Variants in WDR17 observed in about 807,000 individuals in gnomAD.
The protein encoded by WDR17 is WD repeat domain 17.
WDR17 carries 143 observed loss-of-function variants against 161.7 expected under a neutral mutation model. The observed-to-expected ratio is 0.88, with a 90% CI of 0.77 to 1.02. The LOEUF (loss-of-function observed/expected upper bound fraction) is 1.02, where lower values mean the gene tolerates loss of function less well. Ranked by LOEUF, WDR17 falls within the 50% of genes least tolerant of loss-of-function variation. The pLI, the probability that WDR17 is intolerant of heterozygous loss-of-function variation, is 0.00. For synonymous variants in WDR17, 517 were observed against 515.6 expected (o/e 1.00, Z -0.04); for missense variants, 1,469 against 1,520.9 (o/e 0.97, Z 0.57).
intron 1 of WDR17, among the ~76,000 whole-genome samples, chr4:176,082,857 A>G (rs760706714): frequency 6.6e-6 from 1 of 152,120 alleles, no homozygotes; most frequent in East Asian, 1.9e-4. Flanking sequence ...ATGAAGATGA[A>G]TTTTAGACAG....
chr4:176,089,811 A>T (rs1735888126), intron 1 of WDR17, among the ~76,000 whole-genome samples: 2 of 151,932 alleles, frequency 1.3e-5, no homozygotes, highest in Admixed American at 6.6e-5. Flanking sequence ...TTTTCCTAGA[A>T]CTGGTGATTT....
chr4:176,080,190 A>C (rs987441410), intron 1 of WDR17, among the ~76,000 whole-genome samples: 1 of 152,076 alleles, frequency 6.6e-6, no homozygotes, highest in Admixed American at 6.6e-5. Flanking sequence ...TTTGTGGGGA[A>C]CATCATAAGT....
intron 18 of WDR17, among the ~76,000 whole-genome samples, chr4:176,157,834 T>C (rs1748399844): frequency 6.6e-6 from 1 of 152,146 alleles, no homozygotes; most frequent in Non-Finnish European, 1.5e-5. Flanking sequence ...TCAGATAAAT[T>C]GGAACAAAGG....
rs1353668976 is a variant in WDR17 at position 176,070,569 on chromosome 4, A to T, written c.-7+4490A>T. ...GAGACAGGGTCTCCTGCTGGAGTGC[A>T]GTGGTGTGATCATGGCTCACTGCAG... On this transcript the variant is annotated intron_variant, in intron 1 of 28. Transcript: ENST00000508596. 3.3e-4 allele frequency among the ~76,000 whole-genome samples: 50 copies of T among 151,264 alleles called. 1 individual carries two copies. Among genetic ancestry groups the T allele is most frequent in the Admixed American group, 3.3e-3 (50 of 15,178 alleles).
At chr4:176,131,821 A>G in intron 7 of WDR17, 83 bp downstream of exon 7, 1 of 1,091,688 alleles carries the variant, frequency 9.2e-7, no homozygotes, top group Non-Finnish European at 1.2e-6. Flanking sequence ...TCTGAATATT[A>G]TTTGAAATTA....
At position 176,179,632 on chromosome 4, in the gene WDR17, G is replaced by C; in HGVS notation, c.*53G>C. On this transcript the variant is annotated 3_prime_UTR_variant, in exon 29 of 29. Transcript: ENST00000508596. ...TTTTTTTTAAAGAAAAACTTTCATGGGTTAGCATTACCTTAATCTTTGTTG... is the reference window on the plus strand; with the variant it reads ...TTTTTTTTAAAGAAAAACTTTCATGCGTTAGCATTACCTTAATCTTTGTTG... 6.7e-7 allele frequency: 1 copy of C among 1,488,576 alleles called. No homozygotes were observed. Among genetic ancestry groups the C allele is most frequent in the East Asian group, 2.5e-5 (1 of 40,762 alleles). 92.2% of individuals were successfully genotyped at this position (1,488,576 alleles called of 1,614,324 possible). A position where few individuals can be genotyped will look rare whatever the true frequency, so the allele number is the denominator to read the frequency against.
chr4:176,156,861 A>G (rs1748220686), intron 18 of WDR17, among the ~76,000 whole-genome samples: 1 of 152,080 alleles, frequency 6.6e-6, no homozygotes, highest in Non-Finnish European at 1.5e-5. Context: ...AGTCCTTGGC[A>G]TCTTGTGGCT....
intron 11 of WDR17, among the ~76,000 whole-genome samples, chr4:176,142,722 A>C (rs570490482): frequency 1.3e-5 from 2 of 152,350 alleles, no homozygotes; most frequent in East Asian, 3.9e-4. Flanking sequence ...TGTCAAAAAC[A>C]ATGTGAATTA....
rs1742271694 is a variant in WDR17 at position 176,125,290 on chromosome 4, G to C, written c.725G>C (p.Ser242Thr). The C allele has an allele frequency of 6.2e-7, 1 of 1,614,102 alleles. No individual in the cohort carries two copies. Among genetic ancestry groups the C allele is most frequent in the African/African-American group, 1.3e-5 (1 of 75,032 alleles). ...TGCATAACAACATTTAATCTTCCCA[G>C]TGCAGCAGCTTCTGTACAGTGCTTA... is the stretch of plus-strand genomic sequence containing the variant. ...LSCITTFNLP[S>T]AAASVQCLAW... Residue 242 changes from serine to threonine, a missense_variant, in exon 5 of 29, where the codon AGT (serine) becomes ACT (threonine). Ser to Thr is a moderately conservative substitution (Grantham distance 58). Transcript: ENST00000508596.
rs1579155476 is a variant in WDR17 at position 176,137,127 on chromosome 4, T to G, written c.1268-393T>G. 2.0e-5 allele frequency among the ~76,000 whole-genome samples: 3 copies of G among 151,564 alleles called. No homozygotes were observed. The East Asian group carries it at 5.8e-4, about 29-fold the overall frequency. On this transcript the variant is annotated intron_variant, in intron 8 of 28. Transcript: ENST00000508596. Reference sequence around the variant, plus strand: ...TACTAGATAATCATGGAAGTATGAATGCTGACTGAATATATGATAATATTG... The same window carrying G: ...TACTAGATAATCATGGAAGTATGAAGGCTGACTGAATATATGATAATATTG...
chr4:176,120,246 G>A, intron 4 of WDR17, 149 bp downstream of exon 4: 1 of 511,752 alleles, frequency 2.0e-6, no homozygotes, highest in East Asian at 3.4e-5. Flanking sequence ...TTGTTAAAAT[G>A]TTACCCAGTA....
chr4:176,150,627 C>T, intron 16 of WDR17, 34 bp downstream of exon 16: 3 of 1,539,880 alleles, frequency 1.9e-6, no homozygotes, highest in Non-Finnish European at 2.6e-6. Context: ...TGTACTCAAG[C>T]AAATTTTTTG....
chr4:176,151,756 C>T lies in WDR17; in HGVS notation c.2305-56C>T, dbSNP rs189572120. The T allele has an allele frequency of 4.6e-4, 653 of 1,425,904 alleles. 2 individuals carry two copies. In the African/African-American group the frequency reaches 8.4e-3, roughly 18 times the overall value. 88.3% of individuals were successfully genotyped at this position (1,425,904 alleles called of 1,614,324 possible). ...AAATATGCAACAAATTATTGTGACA[C>T]ATACAAAACAAAATATGTCAAATTT... On this transcript the variant is annotated intron_variant, in intron 16 of 28. Transcript: ENST00000508596.
At chr4:176,167,885 G>T (rs955198520) in intron 22 of WDR17, among the ~76,000 whole-genome samples, 5 of 151,398 alleles carry the variant, frequency 3.3e-5, no homozygotes, top group Admixed American at 6.6e-5. Context: ...GGTGGCTCAT[G>T]CCTGTAATCC....
Position 176,162,101 on chromosome 4 carries a change from T to C in WDR17, c.2777T>C (p.Leu926Pro). 6.2e-7 allele frequency: 1 copy of C among 1,613,144 alleles called. No individual in the cohort carries two copies. The highest frequency in any genetic ancestry group is 8.5e-7 in the Non-Finnish European group (1 of 1,179,442). The change falls in exon 21 of 29, where the codon CTG becomes CCG. Residue 926 changes from leucine (L) to proline (P), a missense_variant. Leu to Pro is a moderately conservative substitution (Grantham distance 98, BLOSUM62 -3). Coordinates refer to ENST00000508596, the MANE Select transcript of WDR17 (RefSeq NM_181265.4). ...CTCCTGCACAAAGTCAGTAAAGAAC[T>C]GGCAGAATGGTATTTTCAAGATGGT... ...NELLHKVSKE[L>P]AEWYFQDGRA...
chr4:176,137,484 A>T (rs1343303542), intron 8 of WDR17, 36 bp from the exon 9 acceptor site: 3 of 1,511,708 alleles, frequency 2.0e-6, no homozygotes, highest in Non-Finnish European at 2.7e-6. Flanking sequence ...TTTGTGGGAA[A>T]CATTTAGTAT....
intron 1 of WDR17, among the ~76,000 whole-genome samples, chr4:176,083,679 C>T (rs1735042067): frequency 6.6e-6 from 1 of 152,040 alleles, no homozygotes; most frequent in African/African-American, 2.4e-5. Flanking sequence ...TTACCCATTG[C>T]TGTTGGCTAT....
At chr4:176,069,815 A>G (rs966584808) in intron 1 of WDR17, among the ~76,000 whole-genome samples, 5 of 152,334 alleles carry the variant, frequency 3.3e-5, no homozygotes, top group Non-Finnish European at 7.4e-5. Flanking sequence ...ATGCTATTAA[A>G]AAAACCCTTC....
Position 176,106,677 on chromosome 4 carries a change from G to C in WDR17, c.-6-4898G>C, listed in dbSNP as rs1024064815. On this transcript the variant is annotated intron_variant, in intron 1 of 28. Transcript: ENST00000508596. Reference sequence around the variant, plus strand: ...TGCATCAAAAGAAAAACACTGGCCAGGCATGGTGGCTCACATCTGTGATCT... The same window carrying C: ...TGCATCAAAAGAAAAACACTGGCCACGCATGGTGGCTCACATCTGTGATCT... Among the ~76,000 whole-genome samples, 25 of 152,196 alleles carry C rather than the reference G, an allele frequency of 1.6e-4. 1 individual carries two copies. Among genetic ancestry groups the C allele is most frequent in the Non-Finnish European group, 2.8e-4 (19 of 68,026 alleles).
Sources: gnomAD v4.1 joint callset for allele counts (sites outside exome capture counted in the v4.1 genomes callset) on GRCh38, gnomAD v4.1.1 for gene constraint, MANE v1.5 for transcripts, NCBI Gene and HGNC (gene_info 2026-07-23, HGNC 2026-07-21) for gene names.